MYO16: variants seen among roughly 807,000 people sequenced by gnomAD.
The protein encoded by MYO16 is myosin XVI, also known as unconventional myosin-XVI.
MYO16 carries 94 observed loss-of-function variants against 205.3 expected under a neutral mutation model. That is an observed-to-expected ratio of 0.46 (90% CI 0.39 to 0.54). The LOEUF is 0.54. MYO16 is among the 20% of genes least tolerant of loss of function. The probability of loss-of-function intolerance (pLI) is 0.00; values close to 1 mark genes in which losing one functional copy is unlikely to be tolerated. For synonymous variants in MYO16, 988 were observed against 954.0 expected, an observed-to-expected ratio of 1.04 and a Z score of -0.66; for missense variants, 2,315 against 2,387.5, an observed-to-expected ratio of 0.97 and a Z score of 0.63.
At chr13:108,613,173 T>C (rs768467954) in intron 1 of MYO16, among the ~76,000 whole-genome samples, 1 of 152,174 alleles carries the variant, frequency 6.6e-6, no homozygotes, top group Non-Finnish European at 1.5e-5. Flanking sequence ...TTGATTAAAA[T>C]ATAAAAAAGA....
intron 14 of MYO16, among the ~76,000 whole-genome samples, chr13:108,890,585 C>T (rs1880125236): frequency 6.6e-6 from 1 of 152,164 alleles, no homozygotes; most frequent in South Asian, 2.1e-4. Flanking sequence ...TACCTGTCTT[C>T]TCATCACAGT....
chr13:108,717,459 T>C (rs1223530230), intron 3 of MYO16, among the ~76,000 whole-genome samples: 2 of 151,740 alleles, frequency 1.3e-5, no homozygotes, highest in African/African-American at 4.8e-5. Context: ...CGAAACCCTG[T>C]CTCTACTAAA....
chr13:108,632,774 A>C (rs537134627), intron 1 of MYO16, among the ~76,000 whole-genome samples: 3 of 152,282 alleles, frequency 2.0e-5, no homozygotes, highest in East Asian at 1.9e-4. Flanking sequence ...AGTGAGAGCC[A>C]GTCTCAGAGC....
chr13:109,172,740 C>T (rs755683250), intron 33 of MYO16, among the ~76,000 whole-genome samples: 24 of 152,132 alleles, frequency 1.6e-4, no homozygotes, highest in Non-Finnish European at 3.1e-4. Flanking sequence ...GAAATATTAC[C>T]TATACACAGT....
Position 108,823,269 on chromosome 13 carries a change from C to T in MYO16, c.1088C>T (p.Ser363Leu), listed in dbSNP as rs750664162. ...EEIIHDLPVL[S>L]SKLSPLVLPI... The stretch of plus-strand genomic sequence containing the variant: ...ATCATTCACGATCTTCCCGTACTGT[C>T]GAGTAAGCTGTAAGTGTCTTCCTGC... Residue 363 changes from serine (S) to leucine (L), a missense_variant, in exon 9 of 35, where the codon TCG (serine) becomes TTG (leucine). Ser to Leu is a moderately radical substitution (Grantham distance 145). Transcript: ENST00000457511. 7 of 1,607,402 alleles carry T rather than the reference C, an allele frequency of 4.4e-6. No homozygotes were observed. The South Asian group carries it at 6.7e-5, about 15-fold the overall frequency.
chr13:108,949,947 A>C (rs1396712723), intron 16 of MYO16, among the ~76,000 whole-genome samples: 1 of 152,118 alleles, frequency 6.6e-6, no homozygotes, highest in Non-Finnish European at 1.5e-5. Context: ...ATCAACTTCA[A>C]CAAAAGGTGC....
chr13:109,111,339 A>G (rs930899510), intron 28 of MYO16, among the ~76,000 whole-genome samples: 4 of 152,346 alleles, frequency 2.6e-5, no homozygotes, highest in South Asian at 4.2e-4. Flanking sequence ...ATCAGAACAC[A>G]TGAAAAGATT....
At chr13:109,137,645 T>C (rs553473298) in intron 31 of MYO16, among the ~76,000 whole-genome samples, 12 of 152,338 alleles carry the variant, frequency 7.9e-5, no homozygotes, top group African/African-American at 2.4e-4. Context: ...AGATGTCCAT[T>C]GAGTTCAAAA....
intron 1 of MYO16, among the ~76,000 whole-genome samples, chr13:108,661,289 C>T (rs552727574): frequency 9.9e-5 from 15 of 152,196 alleles, no homozygotes; most frequent in African/African-American, 3.4e-4. Context: ...ATGAATTTCC[C>T]AGGTGCTCTT....
At chr13:109,029,928 CAGAA>C (rs1228327122) in intron 23 of MYO16, among the ~76,000 whole-genome samples, 11 of 152,048 alleles carry the variant, frequency 7.2e-5, no homozygotes, top group Non-Finnish European at 1.5e-4. Context: ...CATGAGCTGA[CAGAA>C]AGTTATAAAA....
intron 4 of MYO16, among the ~76,000 whole-genome samples, chr13:108,762,163 A>G (rs1885630711): frequency 6.6e-6 from 1 of 152,166 alleles, no homozygotes; most frequent in African/African-American, 2.4e-5. Flanking sequence ...TGTTGCCGCA[A>G]AAGACACGAT....
chr13:109,116,436 A>G (rs1405957453), intron 28 of MYO16, among the ~76,000 whole-genome samples: 2 of 152,104 alleles, frequency 1.3e-5, no homozygotes, highest in African/African-American at 2.4e-5. Context: ...TTCGATTGCA[A>G]CGCTGCTCCT....
intron 13 of MYO16, among the ~76,000 whole-genome samples, chr13:108,885,312 G>T (rs1399647514): frequency 6.6e-6 from 1 of 152,134 alleles, no homozygotes; most frequent in Non-Finnish European, 1.5e-5. Context: ...AGAGTCGGGG[G>T]TGTCACCACG....
the MYO16 span, among the ~76,000 whole-genome samples, chr13:108,527,179 G>T: frequency 6.6e-6 from 1 of 152,002 alleles, no homozygotes; most frequent in Non-Finnish European, 1.5e-5. Context: ...TTTTTGCAAT[G>T]AACAATCATA....
chr13:109,184,771 C>CT (rs538955668), intron 34 of MYO16, among the ~76,000 whole-genome samples: 3,178 of 143,312 alleles, frequency 0.022, 97 homozygotes, highest in African/African-American at 0.072. Context: ...TAATTTTTTT[C>CT]TTTTTTTTTT....
At chr13:109,080,618 C>T (rs574395007) in intron 27 of MYO16, among the ~76,000 whole-genome samples, 4 of 152,052 alleles carry the variant, frequency 2.6e-5, no homozygotes, top group Admixed American at 2.0e-4. Flanking sequence ...GACAAACTGC[C>T]ACCTTCTTTG....
At chr13:108,744,950 CTTAATA>C (rs1251860855) in intron 4 of MYO16, among the ~76,000 whole-genome samples, 1 of 152,130 alleles carries the variant, frequency 6.6e-6, no homozygotes, top group Admixed American at 6.5e-5. Context: ...AAAATGCTTA[CTTAATA>C]TTAACAGTGA....
intron 8 of MYO16, among the ~76,000 whole-genome samples, chr13:108,820,805 G>A (rs148345426): frequency 1.1e-4 from 16 of 152,146 alleles, no homozygotes; most frequent in African/African-American, 3.4e-4. Flanking sequence ...AAATAATAGC[G>A]TTATTATCTG....
intron 11 of MYO16, among the ~76,000 whole-genome samples, chr13:108,855,858 T>C (rs1594347336): frequency 6.6e-6 from 1 of 152,358 alleles, no homozygotes; most frequent in Non-Finnish European, 1.5e-5. Flanking sequence ...CAGCAGGATC[T>C]GCACATGACT....
Sources: allele counts gnomAD v4.1 joint callset (sites outside exome capture counted in the v4.1 genomes callset), GRCh38; gene constraint gnomAD v4.1.1; transcripts MANE v1.5; gene names NCBI Gene and HGNC (gene_info 2026-07-23, HGNC 2026-07-21).